The following OSBPL2 variants were observed in gnomAD, a reference collection of about 807,000 sequenced individuals.
OSBPL2 encodes the protein oxysterol binding protein like 2.
A neutral mutation model predicts 58.4 loss-of-function variants in OSBPL2; 18 were observed. That is an observed-to-expected ratio of 0.31 (90% confidence interval 0.21 to 0.46). The LOEUF (loss-of-function observed/expected upper bound fraction) is 0.46. OSBPL2 is among the 20% of genes least tolerant of loss of function. The probability of loss-of-function intolerance (pLI) is 1.00; values close to 1 mark genes in which losing one functional copy is unlikely to be tolerated. For synonymous variants in OSBPL2, 221 were observed against 234.1 expected, an observed-to-expected ratio of 0.94 and a Z score of 0.51; for missense variants, 461 against 616.5, an observed-to-expected ratio of 0.75 and a Z score of 2.67.
intron 12 of OSBPL2, among the ~76,000 whole-genome samples, chr20:62,290,803 A>G (rs1271128638): frequency 1.5e-5 from 2 of 137,684 alleles, no homozygotes; most frequent in African/African-American, 5.6e-5. Flanking sequence ...CAGTGGCGTG[A>G]TCTCGGCTCA....
chr20:62,281,532 G>A, intron 8 of OSBPL2: 1 of 511,304 alleles, frequency 2.0e-6, no homozygotes, highest in Non-Finnish European at 3.5e-6. Context: ...CACCACTTTA[G>A]TGAGGTATAA....
intron 6 of OSBPL2, among the ~76,000 whole-genome samples, chr20:62,274,064 C>T (rs1373057643): frequency 6.6e-6 from 1 of 152,204 alleles, no homozygotes; most frequent in East Asian, 1.9e-4. Flanking sequence ...ACCTCACAGA[C>T]GTGAGACTGA....
intron 1 of OSBPL2, among the ~76,000 whole-genome samples, chr20:62,253,688 A>T (rs1185488897): frequency 1.6e-5 from 2 of 127,064 alleles, no homozygotes; most frequent in Non-Finnish European, 3.2e-5. Context: ...GAGGGAAGAG[A>T]GCGGGAGAGA....
In OSBPL2 at chr20:62,286,693, G is replaced by GC. The variant is rs1440348063; in HGVS notation, c.1113dup (p.Asn372GlnfsTer7). Reference sequence around the variant, plus strand: ...AGCTGCTCTGGAGGATCAACACCCGGCCCCCCAACTCTGCCCAGGTCTGTG... The same window carrying GC: ...AGCTGCTCTGGAGGATCAACACCCGGCCCCCCCAACTCTGCCCAGGTCTGTG... On this transcript the variant is annotated frameshift_variant, in exon 11 of 14. Transcript: ENST00000313733. LOFTEE classifies it high-confidence loss of function. 1.9e-6 allele frequency: 3 copies of GC among 1,612,770 alleles called. No individual in the cohort carries two copies. Among genetic ancestry groups the GC allele is most frequent in the South Asian group, 1.1e-5 (1 of 91,060 alleles).
At position 62,281,043 on chromosome 20, in the gene OSBPL2, C is replaced by G. The variant is rs778991222; in HGVS notation, c.675-15C>G. ...TTTCTGGACTCTCACTGCTTGTTTT[C>G]TGGTGTCTTCACAGACATAATGAAG... is the stretch of plus-strand genomic sequence containing the variant. On this transcript the variant is annotated splice_polypyrimidine_tract_variant and intron_variant, in intron 7 of 13. Coordinates refer to ENST00000313733, the MANE Select transcript of OSBPL2 (RefSeq NM_144498.4). The G allele has an allele frequency of 3.1e-6, 5 of 1,590,858 alleles. No homozygotes were observed. The African/African-American group carries it at 5.4e-5, about 17-fold the overall frequency.
At chr20:62,293,714 G>A in intron 13 of OSBPL2, 71 bp from the exon 14 acceptor site, 1 of 1,395,164 alleles carries the variant, frequency 7.2e-7, no homozygotes, top group Non-Finnish European at 9.9e-7. Context: ...ACACACTCCT[G>A]CACCCAGAAC....
chr20:62,289,098 G>A, intron 11 of OSBPL2, 109 bp from the exon 12 acceptor site: 1 of 1,245,680 alleles, frequency 8.0e-7, no homozygotes, highest in Non-Finnish European at 1.1e-6. Flanking sequence ...TTCCCATGGT[G>A]GCAGTCAGGT....
At chr20:62,263,532 G>T (rs868726482) in intron 3 of OSBPL2, 84 bp from the exon 4 acceptor site, 1 of 1,086,358 alleles carries the variant, frequency 9.2e-7, no homozygotes, top group Middle Eastern at 2.0e-4. Flanking sequence ...AAATTAAAGA[G>T]AAATCGTCAT....
rs997155522 is a variant in OSBPL2, at chr20:62,294,192, G to T, written c.*305G>T. On this transcript the variant is annotated 3_prime_UTR_variant, in exon 14 of 14. Transcript: ENST00000313733. Reference sequence around the variant, plus strand: ...TCAGCTGGGGCTTGTTTAGCTTCCAGCACACTCTCAGTCATAGCATGTGTA... The same window carrying T: ...TCAGCTGGGGCTTGTTTAGCTTCCATCACACTCTCAGTCATAGCATGTGTA... 1 of 452,664 alleles carries T rather than the reference G, an allele frequency of 2.2e-6. No individual in the cohort carries two copies. The highest frequency in any genetic ancestry group is 2.1e-5 in the African/African-American group (1 of 48,500). 28.0% of individuals were successfully genotyped at this position (452,664 alleles called of 1,614,324 possible). A position where few individuals can be genotyped will look rare whatever the true frequency, so the allele number is the denominator to read the frequency against.
At chr20:62,284,359 T>C (rs917057310) in intron 10 of OSBPL2, 190 bp downstream of exon 10, 14 of 607,072 alleles carry the variant, frequency 2.3e-5, no homozygotes, top group Admixed American at 3.1e-5. Flanking sequence ...AGGGGGTTTA[T>C]CTGTATTTCT....
chr20:62,267,505 G>A (rs1364608258), intron 4 of OSBPL2, among the ~76,000 whole-genome samples: 4 of 152,190 alleles, frequency 2.6e-5, no homozygotes, highest in African/African-American at 7.2e-5. Context: ...TCCAGGGAGA[G>A]AAGGAGAATT....
intron 4 of OSBPL2, among the ~76,000 whole-genome samples, chr20:62,264,090 A>C (rs1433387595): frequency 6.6e-6 from 1 of 151,628 alleles, no homozygotes; most frequent in Non-Finnish European, 1.5e-5. Flanking sequence ...AAGAAAAAAA[A>C]TGCACTCTCA....
intron 1 of OSBPL2, among the ~76,000 whole-genome samples, chr20:62,241,286 G>A (rs948562049): frequency 6.6e-6 from 1 of 151,934 alleles, no homozygotes; most frequent in Non-Finnish European, 1.5e-5. Flanking sequence ...TCTGCCTCCC[G>A]GGTTCACACC....
chr20:62,282,963 A>G (rs975912820), intron 9 of OSBPL2, among the ~76,000 whole-genome samples: 1 of 152,218 alleles, frequency 6.6e-6, no homozygotes, highest in Non-Finnish European at 1.5e-5. Flanking sequence ...TGTGAGGATC[A>G]ACATGTGGAC....
In OSBPL2 at chr20:62,263,527, A is replaced by T. The variant is rs1371903258; in HGVS notation, c.183-89A>T. 35 of 1,045,340 alleles carry T rather than the reference A, an allele frequency of 3.3e-5. No homozygotes were observed. The Middle Eastern group carries it at 1.0e-3, about 30-fold the overall frequency. The allele number at this position is 1,045,340 out of a possible 1,614,324, so 64.8% of individuals were successfully genotyped here. On this transcript the variant is annotated intron_variant, in intron 3 of 13. Coordinates refer to ENST00000313733, the MANE Select transcript of OSBPL2 (RefSeq NM_144498.4). ...ATGCCAATGTTTAGGAGTAAAAATT[A>T]AAGAGAAATCGTCATTGAGCACAGC... is the stretch of plus-strand genomic sequence containing the variant.
Position 62,286,547 on chromosome 20 carries a change from C to T in OSBPL2, c.997-36C>T, listed in dbSNP as rs778425109. 20 of 1,588,158 alleles carry T rather than the reference C, an allele frequency of 1.3e-5. No individual in the cohort carries two copies. In the South Asian group the frequency reaches 2.2e-4, roughly 18 times the overall value. Reference sequence around the variant, plus strand: ...GTCCTCCTGGCCAAGAGCGGCCTGGCCCCGGGCAGCCACACAGCAGGGTTC... The same window carrying T: ...GTCCTCCTGGCCAAGAGCGGCCTGGTCCCGGGCAGCCACACAGCAGGGTTC... On this transcript the variant is annotated intron_variant, in intron 10 of 13. Coordinates refer to ENST00000313733, the MANE Select transcript of OSBPL2 (RefSeq NM_144498.4).
rs1983763481 is a variant in OSBPL2 at position 62,294,868 on chromosome 20, ATTAAAG to A, written c.*985_*990del. ...GGCAGAATCTACTTACAGTGGTGTA[ATTAAAG>A]TTATTTAACCAAAAATAGGTATGTG... On this transcript the variant is annotated 3_prime_UTR_variant, in exon 14 of 14. Coordinates refer to ENST00000313733, the MANE Select transcript of OSBPL2 (RefSeq NM_144498.4). 1.3e-5 allele frequency: 2 copies of A among 152,286 alleles called. No individual in the cohort carries two copies. Among genetic ancestry groups the A allele is most frequent in the African/African-American group, 4.8e-5 (2 of 41,548 alleles). The allele number at this position is 152,286 out of a possible 1,614,324, so 9.4% of individuals were successfully genotyped here.
chr20:62,273,534 G>A (rs535743732), intron 6 of OSBPL2, 128 bp downstream of exon 6: 27 of 773,102 alleles, frequency 3.5e-5, no homozygotes, highest in South Asian at 2.8e-4. Flanking sequence ...AAGAGCTCAC[G>A]AAAGCGTTTG....
intron 1 of OSBPL2, among the ~76,000 whole-genome samples, chr20:62,249,962 A>G (rs529437146): frequency 6.6e-6 from 1 of 152,342 alleles, no homozygotes; most frequent in African/African-American, 2.4e-5. Flanking sequence ...CCTCGACCCC[A>G]TGGGGCCATC....
Sources: allele counts gnomAD v4.1 joint callset (sites outside exome capture counted in the v4.1 genomes callset), GRCh38; gene constraint gnomAD v4.1.1; transcripts MANE v1.5; gene names NCBI Gene and HGNC (gene_info 2026-07-23, HGNC 2026-07-21).